Variants in TBC1D16 observed in about 807,000 individuals in gnomAD.
TBC1D16 encodes TBC1 domain family member 16.
A neutral mutation model predicts 74.7 loss-of-function variants in TBC1D16; 58 were observed. The observed-to-expected ratio is 0.78, with a 90% CI of 0.63 to 0.97. TBC1D16 has a LOEUF of 0.97. Ranked by LOEUF, TBC1D16 falls within the 50% of genes least tolerant of loss-of-function variation. The probability of loss-of-function intolerance (pLI) is 0.00; values close to 1 mark genes in which losing one functional copy is unlikely to be tolerated. For synonymous variants in TBC1D16, 493 were observed against 474.7 expected (o/e 1.04, Z -0.50); for missense variants, 1,014 against 1,079.5 (o/e 0.94, Z 0.85).
chr17:79,968,004 T>C (rs79927065), intron 3 of TBC1D16, among the ~76,000 whole-genome samples: 2 of 152,112 alleles, frequency 1.3e-5, no homozygotes, highest in East Asian at 3.9e-4. Context: ...CTTTAAAAAA[T>C]TTTTTTGAGA....
intron 9 of TBC1D16, among the ~76,000 whole-genome samples, chr17:79,947,327 G>A (rs1221656618): frequency 6.6e-6 from 1 of 152,194 alleles, no homozygotes; most frequent in Non-Finnish European, 1.5e-5. Context: ...AGGCTCAGAG[G>A]GGGCTGGGTG....
At chr17:79,962,703 G>A (rs2033670777) in intron 3 of TBC1D16, among the ~76,000 whole-genome samples, 1 of 151,896 alleles carries the variant, frequency 6.6e-6, no homozygotes, top group Non-Finnish European at 1.5e-5. Context: ...GGAGGCTGAG[G>A]TGGGCAGGTC....
chr17:80,030,016 T>C (rs1295837272), intron 1 of TBC1D16, among the ~76,000 whole-genome samples: 1 of 152,136 alleles, frequency 6.6e-6, no homozygotes, highest in Non-Finnish European at 1.5e-5. Context: ...TCTCTGACCC[T>C]GACTCTCCTG....
chr17:79,949,783 G>C lies in TBC1D16; in HGVS notation c.1340C>G (p.Thr447Arg), dbSNP rs772484325. 1 of 1,613,704 alleles carries C rather than the reference G, an allele frequency of 6.2e-7. No homozygotes were observed. Among genetic ancestry groups the C allele is most frequent in the Non-Finnish European group, 8.5e-7 (1 of 1,179,936 alleles). ...FLLRYYSHES[T>R]SEEREALRLQ... ...CCGCAGCGCCTCCCGCTCCTCCGACGTGGACTCGTGGCTGTAATAGCGCAG... is the reference window on the plus strand; with the variant it reads ...CCGCAGCGCCTCCCGCTCCTCCGACCTGGACTCGTGGCTGTAATAGCGCAG... Residue 447 changes from threonine to arginine, a missense_variant, in exon 7 of 12, where the codon ACG becomes AGG. Thr to Arg is a moderately conservative substitution (Grantham distance 71). Transcript: ENST00000310924.
rs2034793475 is a variant in TBC1D16 at position 79,985,373 on chromosome 17, T to A, written c.779+24787A>T. On this transcript the variant is annotated intron_variant, in intron 3 of 11. Transcript: ENST00000310924. The surrounding 1 kb of genome is among the most constrained non-coding windows in gnomAD (Gnocchi z 4.9). ...CACATTCTGAGGTTCTGAGTGGCCA[T>A]GAATTTGCGGGGAAGGGAGTCACTA... Among the ~76,000 whole-genome samples, 1 of 152,238 alleles carries A rather than the reference T, an allele frequency of 6.6e-6. No individual in the cohort carries two copies. The highest frequency in any genetic ancestry group is 1.5e-5 in the Non-Finnish European group (1 of 68,050).
At chr17:79,964,336 TTATTAAACA>T (rs1168661272) in intron 3 of TBC1D16, among the ~76,000 whole-genome samples, 1 of 152,244 alleles carries the variant, frequency 6.6e-6, no homozygotes. Flanking sequence ...CAATTATTCC[TTATTAAACA>T]TACATGATCT....
Position 79,937,893 on chromosome 17 carries a change from C to T in TBC1D16, c.*2966G>A, listed in dbSNP as rs2031722779. On this transcript the variant is annotated 3_prime_UTR_variant, in exon 12 of 12. Coordinates refer to ENST00000310924, the MANE Select transcript of TBC1D16 (RefSeq NM_019020.4). ...AACATCGGGCGACGCTGTCAGCAGA[C>T]ATTAGCAGCAGAGCTGCACCACGCA... 1 of 152,002 alleles carries T rather than the reference C, an allele frequency of 6.6e-6. No individual in the cohort carries two copies. Among genetic ancestry groups the T allele is most frequent in the Non-Finnish European group, 1.5e-5 (1 of 67,940 alleles). The allele number at this position is 152,002 out of a possible 1,614,324, so 9.4% of individuals were successfully genotyped here. A position where few individuals can be genotyped will look rare whatever the true frequency, so the allele number is the denominator to read the frequency against.
At position 79,950,679 on chromosome 17, in the gene TBC1D16, AAGG is replaced by A; in HGVS notation, c.1090-104_1090-102del. 1 of 1,550,192 alleles carries A rather than the reference AAGG, an allele frequency of 6.5e-7. No homozygotes were observed. Among genetic ancestry groups the A allele is most frequent in the Non-Finnish European group, 8.7e-7 (1 of 1,145,300 alleles). Reference sequence around the variant, plus strand: ...GAATAAAAGCCTCTCTCTCTTCTGAAAGGAGGGCAAGGGCCGTCCCCTGCATAC... The same window carrying A: ...GAATAAAAGCCTCTCTCTCTTCTGAAAGGGCAAGGGCCGTCCCCTGCATAC... On this transcript the variant is annotated intron_variant, in intron 5 of 11. Coordinates refer to ENST00000310924, the MANE Select transcript of TBC1D16 (RefSeq NM_019020.4). The surrounding 1 kb of genome is among the most constrained non-coding windows in gnomAD (Gnocchi z 4.6).
At chr17:79,957,037 G>A (rs2033369435) in intron 3 of TBC1D16, among the ~76,000 whole-genome samples, 1 of 152,146 alleles carries the variant, frequency 6.6e-6, no homozygotes, top group African/African-American at 2.4e-5. Context: ...CAGGGAGGGG[G>A]CCCTCCACCC....
Position 80,000,690 on chromosome 17 carries a change from C to T in TBC1D16, c.779+9470G>A, listed in dbSNP as rs941301292. Reference sequence around the variant, plus strand: ...ACAGTGATGATGACTGTCTATCTGCCCTGTACTGAGCCCTCTGTGCAGAGC... The same window carrying T: ...ACAGTGATGATGACTGTCTATCTGCTCTGTACTGAGCCCTCTGTGCAGAGC... On this transcript the variant is annotated intron_variant, in intron 3 of 11. Coordinates refer to ENST00000310924, the MANE Select transcript of TBC1D16 (RefSeq NM_019020.4). This position sits in a 1 kb window ranked among gnomAD's most constrained non-coding sequence, Gnocchi z 4.1. Among the ~76,000 whole-genome samples the T allele has an allele frequency of 1.3e-5, 2 of 152,214 alleles. No homozygotes were observed. Among genetic ancestry groups the T allele is most frequent in the African/African-American group, 4.8e-5 (2 of 41,450 alleles).
At chr17:79,976,070 C>T (rs545303730) in intron 3 of TBC1D16, among the ~76,000 whole-genome samples, 3 of 152,342 alleles carry the variant, frequency 2.0e-5, no homozygotes, top group Admixed American at 1.3e-4. Flanking sequence ...ACATCCAGGT[C>T]AACCTGTGAC....
In TBC1D16 at chr17:79,975,306, C is replaced by T. The variant is rs1430994930; in HGVS notation, c.780-22488G>A. Among the ~76,000 whole-genome samples the T allele has an allele frequency of 2.6e-5, 4 of 152,234 alleles. No individual in the cohort carries two copies. Among genetic ancestry groups the T allele is most frequent in the African/African-American group, 4.8e-5 (2 of 41,458 alleles). On this transcript the variant is annotated intron_variant, in intron 3 of 11. Coordinates refer to ENST00000310924, the MANE Select transcript of TBC1D16 (RefSeq NM_019020.4). This position sits in a 1 kb window ranked among gnomAD's most constrained non-coding sequence, Gnocchi z 4.5. ...CTCCTGTAATCTACCTGGATTGGAA[C>T]GCCCAGCTTTGTACAGCCTGAGCTC...
Position 79,980,676 on chromosome 17 carries a change from C to T in TBC1D16, c.780-27858G>A, listed in dbSNP as rs1235739404. On this transcript the variant is annotated intron_variant, in intron 3 of 11. Coordinates refer to ENST00000310924, the MANE Select transcript of TBC1D16 (RefSeq NM_019020.4). This position sits in a 1 kb window ranked among gnomAD's most constrained non-coding sequence, Gnocchi z 7.0. Reference sequence around the variant, plus strand: ...TCTGAGCTGCTGGGCTTTGTGACATCCCACATGGCTTGGTCCCGCCTTTCA... The same window carrying T: ...TCTGAGCTGCTGGGCTTTGTGACATTCCACATGGCTTGGTCCCGCCTTTCA... 6.6e-6 allele frequency among the ~76,000 whole-genome samples: 1 copy of T among 152,142 alleles called. No individual in the cohort carries two copies. The highest frequency in any genetic ancestry group is 2.4e-5 in the African/African-American group (1 of 41,412).
At position 79,965,669 on chromosome 17, in the gene TBC1D16, G is replaced by A. The variant is rs541080166; in HGVS notation, c.780-12851C>T. 2.6e-5 allele frequency among the ~76,000 whole-genome samples: 4 copies of A among 152,158 alleles called. No individual in the cohort carries two copies. In the East Asian group the frequency reaches 7.7e-4, roughly 29 times the overall value. On this transcript the variant is annotated intron_variant, in intron 3 of 11. Transcript: ENST00000310924. The stretch of plus-strand genomic sequence containing the variant: ...AGCAGGGCAGGATGGACAGCTAGGC[G>A]TGACCTATGGGAAGCTCACATTCCT...
rs1329379657 is a variant in TBC1D16 at position 79,934,126 on chromosome 17, C to T, written c.*6733G>A. 1.3e-5 allele frequency: 2 copies of T among 152,226 alleles called. No individual in the cohort carries two copies. Among genetic ancestry groups the T allele is most frequent in the Non-Finnish European group, 2.9e-5 (2 of 68,078 alleles). 9.4% of individuals were successfully genotyped at this position (152,226 alleles called of 1,614,324 possible). On this transcript the variant is annotated 3_prime_UTR_variant, in exon 12 of 12. Transcript: ENST00000310924. ...GGCACGGCCCCTGAAAAGTGTGGCC[C>T]GCCAGGTGGCACCTATGTTCTCTTG...
Position 79,983,451 on chromosome 17 carries a change from GTCA to G in TBC1D16, c.779+26706_779+26708del, listed in dbSNP as rs2034676352. 6.6e-6 allele frequency among the ~76,000 whole-genome samples: 1 copy of G among 152,202 alleles called. No homozygotes were observed. Among genetic ancestry groups the G allele is most frequent in the Admixed American group, 6.5e-5 (1 of 15,286 alleles). ...AGAAAAACCCAAACTAAACCACATG[GTCA>G]TCAACAGGAGTGTGGACAACCTGGG... On this transcript the variant is annotated intron_variant, in intron 3 of 11. Coordinates refer to ENST00000310924, the MANE Select transcript of TBC1D16 (RefSeq NM_019020.4). The surrounding 1 kb of genome is among the most constrained non-coding windows in gnomAD (Gnocchi z 5.6).
rs778769941 is a variant in TBC1D16, at chr17:79,950,847, ACGGAATGAATGCCTCGTT to A, written c.1090-287_1090-270del. ...ACTCTCTCCAACCCCAGCCGCAAAA[ACGGAATGAATGCCTCGTT>A]CGGCCTAACTTCCCTCTGCCGGGAG... On this transcript the variant is annotated intron_variant, in intron 5 of 11. Transcript: ENST00000310924. The surrounding 1 kb of genome is among the most constrained non-coding windows in gnomAD (Gnocchi z 4.6). 53 of 1,525,434 alleles carry A rather than the reference ACGGAATGAATGCCTCGTT, an allele frequency of 3.5e-5. No individual in the cohort carries two copies. Among genetic ancestry groups the A allele is most frequent in the Non-Finnish European group, 4.6e-5 (52 of 1,140,066 alleles). The allele number at this position is 1,525,434 out of a possible 1,614,324, so 94.5% of individuals were successfully genotyped here.
chr17:79,953,096 C>G, intron 3 of TBC1D16: 1 of 287,988 alleles, frequency 3.5e-6, no homozygotes, highest in Non-Finnish European at 6.5e-6. Context: ...CAGCCAAGGT[C>G]ACACTGACTG....
intron 3 of TBC1D16, among the ~76,000 whole-genome samples, chr17:79,972,185 T>C (rs1253499487): frequency 2.0e-5 from 3 of 152,126 alleles, no homozygotes; most frequent in African/African-American, 7.2e-5. Flanking sequence ...TCTTTTTTTT[T>C]CTTCCCCCTG....
Sources: gnomAD v4.1 joint callset for allele counts (sites outside exome capture counted in the v4.1 genomes callset) on GRCh38, gnomAD v4.1.1 for gene constraint, Gnocchi (gnomAD v3.1) non-coding constraint, MANE v1.5 for transcripts, NCBI Gene and HGNC (gene_info 2026-07-23, HGNC 2026-07-21) for gene names.